The following SFXN2 variants were observed in gnomAD, a reference collection of about 807,000 sequenced individuals.
The protein encoded by SFXN2 is sideroflexin-2.
In SFXN2, 37 loss-of-function variants were observed where a neutral mutation model predicts 41.9. The observed-to-expected ratio is 0.88, with a 90% confidence interval of 0.68 to 1.16. SFXN2 has a LOEUF of 1.16. Among genes scored for constraint, SFXN2 ranks in the 50% most tolerant of loss-of-function variants. The pLI is 0.00. For synonymous variants in SFXN2, 150 were observed against 156.7 expected, an observed-to-expected ratio of 0.96 and a Z score of 0.32; for missense variants, 386 against 425.2, an observed-to-expected ratio of 0.91 and a Z score of 0.81.
chr10:102,717,228 T>C (rs1049035022), intron 1 of SFXN2, among the ~76,000 whole-genome samples: 4 of 145,088 alleles, frequency 2.8e-5, no homozygotes, highest in Middle Eastern at 3.9e-3. Flanking sequence ...GCCTCCCGGG[T>C]TCAAGCGATC....
At chr10:102,733,526 G>T in intron 9 of SFXN2, 28 bp from the exon 10 acceptor site, 1 of 1,597,868 alleles carries the variant, frequency 6.3e-7, no homozygotes, top group Non-Finnish European at 8.6e-7. Context: ...GTACCATGTG[G>T]ATCTGTCTTT....
intron 11 of SFXN2, 67 bp downstream of exon 11, chr10:102,735,976 G>C: frequency 6.8e-7 from 1 of 1,480,716 alleles, no homozygotes; most frequent in Non-Finnish European, 9.4e-7. Flanking sequence ...TGATCTGCCT[G>C]CTGTCCAGAA....
At chr10:102,717,396 G>A (rs1210996447) in intron 1 of SFXN2, among the ~76,000 whole-genome samples, 1 of 152,124 alleles carries the variant, frequency 6.6e-6, no homozygotes, top group Non-Finnish European at 1.5e-5. Context: ...CTAAATTGCT[G>A]GGATTACAGG....
intron 1 of SFXN2, among the ~76,000 whole-genome samples, chr10:102,722,025 C>T (rs574180963): frequency 2.0e-5 from 3 of 152,266 alleles, no homozygotes; most frequent in East Asian, 1.9e-4. Context: ...CTGGGGTTCT[C>T]GTCCAGCTGG....
At chr10:102,722,049 C>T (rs188152768) in intron 1 of SFXN2, among the ~76,000 whole-genome samples, 4 of 152,256 alleles carry the variant, frequency 2.6e-5, no homozygotes, top group East Asian at 1.9e-4. Flanking sequence ...CCCTGCATCC[C>T]GTGAGGTCCA....
rs371911231 is a variant in SFXN2 at position 102,737,793 on chromosome 10, C to T, written c.*31C>T. On this transcript the variant is annotated 3_prime_UTR_variant, in exon 12 of 12. Transcript: ENST00000369893. ...CCACTTCAGCAAGGACCAGTCTATT[C>T]CCATATTCACCAGCTCCTCCTTAGC... is the stretch of plus-strand genomic sequence containing the variant. 132 of 1,450,888 alleles carry T rather than the reference C, an allele frequency of 9.1e-5. No individual in the cohort carries two copies. Among genetic ancestry groups the T allele is most frequent in the Non-Finnish European group, 1.2e-4 (122 of 1,035,866 alleles). The allele number at this position is 1,450,888 out of a possible 1,614,324, so 89.9% of individuals were successfully genotyped here.
At chr10:102,737,054 T>C (rs2064790801) in intron 11 of SFXN2, among the ~76,000 whole-genome samples, 1 of 152,072 alleles carries the variant, frequency 6.6e-6, no homozygotes, top group Non-Finnish European at 1.5e-5. Flanking sequence ...CTTGGGAAGC[T>C]GAAGCAGGAG....
Position 102,726,774 on chromosome 10 carries a change from C to T in SFXN2, c.138C>T (p.Ala46=). 1 of 1,614,076 alleles carries T rather than the reference C, an allele frequency of 6.2e-7. No individual in the cohort carries two copies. The stretch of plus-strand genomic sequence containing the variant: ...TATCTGAGCGGGAGCTGGACTGGGC[C>T]AAGGTGATGGTGGAGAAGAGCAGGT... ...VFVSERELDW[A]KVMVEKSRMG... Residue 46 remains alanine (A), a synonymous_variant, in exon 2 of 12, where the codon GCC becomes GCT. Transcript: ENST00000369893.
chr10:102,726,846 G>C (rs2064604949), intron 2 of SFXN2, 49 bp downstream of exon 2: 1 of 1,605,526 alleles, frequency 6.2e-7, no homozygotes, highest in Non-Finnish European at 8.5e-7. Context: ...CATTGATGGG[G>C]TCCTCTTGGG....
Position 102,727,007 on chromosome 10 carries a change from G to A in SFXN2, c.182G>A (p.Gly61Asp). The change falls in exon 3 of 12, where the codon GGC becomes GAC. Residue 61 changes from glycine (G) to aspartate (D), a missense_variant. Coordinates refer to ENST00000369893, the MANE Select transcript of SFXN2 (RefSeq NM_178858.6). ...EKSRMGVVPP[G>D]TQVEQLLYAK... ...GGCAGGATGGGGGTTGTGCCCCCAG[G>A]CACCCAAGTGGAGCAGCTGCTGTAT... 1 of 1,600,646 alleles carries A rather than the reference G, an allele frequency of 6.2e-7. No individual in the cohort carries two copies. The highest frequency in any genetic ancestry group is 8.6e-7 in the Non-Finnish European group (1 of 1,169,234).
intron 1 of SFXN2, chr10:102,716,205 C>G (rs1278988086): frequency 6.6e-6 from 1 of 151,956 alleles, no homozygotes; most frequent in Non-Finnish European, 1.5e-5. Context: ...CCTGGGCCTG[C>G]TCTTGTAATT....
At chr10:102,736,042 G>C in intron 11 of SFXN2, 133 bp downstream of exon 11, 1 of 890,958 alleles carries the variant, frequency 1.1e-6, no homozygotes, top group East Asian at 2.4e-5. Context: ...GTGTCCATCA[G>C]CCTAAAGGCT....
At chr10:102,724,966 A>T (rs756183141) in intron 1 of SFXN2, 1 of 148,810 alleles carries the variant, frequency 6.7e-6, no homozygotes, top group Non-Finnish European at 1.5e-5. Context: ...TGAAAGCTGG[A>T]CATGATGTAC....
chr10:102,717,173 C>A (rs1834397014), intron 1 of SFXN2, among the ~76,000 whole-genome samples: 1 of 146,668 alleles, frequency 6.8e-6, no homozygotes, highest in South Asian at 2.2e-4. Flanking sequence ...GCTCTGTCAC[C>A]CAGACTGGAG....
At chr10:102,731,265 A>G (rs1030685216) in intron 6 of SFXN2, among the ~76,000 whole-genome samples, 2 of 72,082 alleles carry the variant, frequency 2.8e-5, no homozygotes, top group African/African-American at 1.0e-4. Context: ...CGATTGTCTC[A>G]AAAAAAAAAA....
At chr10:102,723,639 G>A (rs2064544892) in intron 1 of SFXN2, among the ~76,000 whole-genome samples, 2 of 152,086 alleles carry the variant, frequency 1.3e-5, no homozygotes, top group African/African-American at 4.8e-5. Context: ...AATGGGTAAC[G>A]ACTAACAGAA....
chr10:102,724,993 A>C (rs533164403), intron 1 of SFXN2: 1 of 149,592 alleles, frequency 6.7e-6, no homozygotes, highest in Admixed American at 6.7e-5. Context: ...AGAGGAACTG[A>C]GGGGTGAGGT....
In SFXN2 at chr10:102,739,647, C is replaced by T. The variant is rs2134014524; in HGVS notation, c.*1885C>T. On this transcript the variant is annotated 3_prime_UTR_variant, in exon 12 of 12. Coordinates refer to ENST00000369893, the MANE Select transcript of SFXN2 (RefSeq NM_178858.6). ...CATGCATCAACCGGGCGCAGTGGCT[C>T]ATGCCTGTAATCCCCACACTTTGGG... 1 of 152,384 alleles carries T rather than the reference C, an allele frequency of 6.6e-6. No individual in the cohort carries two copies. The allele number at this position is 152,384 out of a possible 1,614,324, so 9.4% of individuals were successfully genotyped here. A position where few individuals can be genotyped will look rare whatever the true frequency, so the allele number is the denominator to read the frequency against.
chr10:102,718,918 CTTTTTTTTTTT>C (rs34471332), intron 1 of SFXN2, among the ~76,000 whole-genome samples: 6 of 74,302 alleles, frequency 8.1e-5, no homozygotes, highest in African/African-American at 1.1e-4. Flanking sequence ...TTCTCGGCTT[CTTTTTTTTTTT>C]TTTTTTTTTT....
Sources: allele counts gnomAD v4.1 joint callset (sites outside exome capture counted in the v4.1 genomes callset), GRCh38; gene constraint gnomAD v4.1.1; transcripts MANE v1.5; gene names NCBI Gene and HGNC (gene_info 2026-07-23, HGNC 2026-07-21).